Variants in SEPTIN11 observed in about 807,000 individuals in gnomAD.
SEPTIN11 encodes the protein septin 11, also known as septin-11.
In SEPTIN11, 25 loss-of-function variants were observed where a neutral mutation model predicts 51.4. The ratio of observed to expected loss-of-function variants is 0.49; its 90% CI spans 0.35 to 0.68. SEPTIN11 has a LOEUF of 0.68. SEPTIN11 is among the 30% of genes least tolerant of loss of function. The pLI, the probability that SEPTIN11 is intolerant of heterozygous loss-of-function variation, is 0.00. For synonymous variants in SEPTIN11, 174 were observed against 184.1 expected (o/e 0.95, Z 0.44); for missense variants, 381 against 520.8 (o/e 0.73, Z 2.61).
At chr4:76,953,228 G>A (rs1006310087) in intron 1 of SEPTIN11, among the ~76,000 whole-genome samples, 1 of 152,174 alleles carries the variant, frequency 6.6e-6, no homozygotes, top group African/African-American at 2.4e-5. Context: ...TATGTGTCAG[G>A]AACTTGTTCT....
In SEPTIN11 at chr4:77,028,674, A is replaced by T; in HGVS notation, c.999A>T (p.Glu333Asp). Residue 333 changes from glutamate to aspartate, a missense_variant, in exon 8 of 10, where the codon GAA (glutamate) becomes GAT (aspartate). Around this residue, in one of 2 missense-constraint regions of SEPTIN11, gnomAD observed 197 missense variants for 313.1 expected, o/e 0.63. Transcript: ENST00000264893. Reference sequence around the variant, plus strand: ...CAAAAAGGAATGAATTCCTGGGAGAACTGCAGAAGAAAGAAGAAGAAATGA... The same window carrying T: ...CAAAAAGGAATGAATTCCTGGGAGATCTGCAGAAGAAAGAAGAAGAAATGA... Reference protein sequence around the residue: ...YEAKRNEFLGELQKKEEEMRQ... With the variant: ...YEAKRNEFLGDLQKKEEEMRQ... The T allele has an allele frequency of 6.2e-7, 1 of 1,613,236 alleles. No homozygotes were observed. The highest frequency in any genetic ancestry group is 8.5e-7 in the Non-Finnish European group (1 of 1,179,540).
intron 1 of SEPTIN11, among the ~76,000 whole-genome samples, chr4:76,961,787 T>A (rs1397983460): frequency 3.3e-5 from 5 of 152,230 alleles, no homozygotes; most frequent in African/African-American, 1.2e-4. Flanking sequence ...AAAGTCAAAA[T>A]CGTAAGTTGA....
chr4:76,995,512 T>A (rs1430110682), intron 1 of SEPTIN11, among the ~76,000 whole-genome samples: 4 of 151,968 alleles, frequency 2.6e-5, no homozygotes, highest in African/African-American at 9.6e-5. Context: ...ACACTAGGAG[T>A]CCTGTCTCCA....
chr4:76,963,537 G>A (rs2109890191), intron 1 of SEPTIN11, among the ~76,000 whole-genome samples: 1 of 152,362 alleles, frequency 6.6e-6, no homozygotes, highest in Non-Finnish European at 1.5e-5. Flanking sequence ...GAACACTGTT[G>A]TCAGTTTGGA....
chr4:76,976,043 T>G (rs1437204614), intron 1 of SEPTIN11, among the ~76,000 whole-genome samples: 1 of 152,194 alleles, frequency 6.6e-6, no homozygotes, highest in Admixed American at 6.5e-5. Context: ...AAAGCTTTTG[T>G]TAATGTGTTG....
chr4:77,028,812 C>A, intron 8 of SEPTIN11, 51 bp downstream of exon 8: 1 of 1,566,384 alleles, frequency 6.4e-7, no homozygotes, highest in Non-Finnish European at 8.6e-7. Context: ...GAGAGATTTT[C>A]TAAATACATC....
chr4:76,954,984 T>TTTA (rs1491383434), intron 1 of SEPTIN11, among the ~76,000 whole-genome samples: 5 of 3,266 alleles, frequency 1.5e-3, no homozygotes, highest in African/African-American at 0.012. Context: ...TATTTATTTA[T>TTTA]TTTTTTTTGC....
chr4:76,977,400 TGTAATTAAAATGC>T, intron 1 of SEPTIN11, among the ~76,000 whole-genome samples: 1 of 152,214 alleles, frequency 6.6e-6, no homozygotes. Flanking sequence ...GGAATGTGAG[TGTAATTAAAATGC>T]CTTCAGAAAT....
At chr4:76,963,694 C>T (rs1721912820) in intron 1 of SEPTIN11, among the ~76,000 whole-genome samples, 1 of 152,206 alleles carries the variant, frequency 6.6e-6, no homozygotes, top group Admixed American at 6.5e-5. Context: ...TACACTTAAA[C>T]AGCCACATGT....
chr4:77,020,275 T>G (rs1307296852), intron 6 of SEPTIN11, among the ~76,000 whole-genome samples: 1 of 152,220 alleles, frequency 6.6e-6, no homozygotes, highest in Non-Finnish European at 1.5e-5. Flanking sequence ...TGCTCTGTGC[T>G]GAGTAGGCAC....
chr4:76,977,874 T>C (rs1233943766), intron 1 of SEPTIN11, among the ~76,000 whole-genome samples: 1 of 152,166 alleles, frequency 6.6e-6, no homozygotes, highest in Non-Finnish European at 1.5e-5. Context: ...TACAAGCATA[T>C]GTGTGTTTGC....
chr4:77,036,507 T>C lies in SEPTIN11; in HGVS notation c.*1995T>C. ...TTGCATCACTAAAATTTTTTTAAAA[T>C]GAGCATAACAACGAAAGGCATCCAG... On this transcript the variant is annotated 3_prime_UTR_variant, in exon 10 of 10. Transcript: ENST00000264893. 1.5e-6 allele frequency: 2 copies of C among 1,340,078 alleles called. No individual in the cohort carries two copies. The highest frequency in any genetic ancestry group is 1.9e-6 in the Non-Finnish European group (2 of 1,047,256). 83.0% of individuals were successfully genotyped at this position (1,340,078 alleles called of 1,614,324 possible). A position where few individuals can be genotyped will look rare whatever the true frequency, so the allele number is the denominator to read the frequency against.
intron 1 of SEPTIN11, among the ~76,000 whole-genome samples, chr4:76,979,157 G>C (rs965318864): frequency 2.6e-5 from 4 of 152,232 alleles, no homozygotes; most frequent in Non-Finnish European, 5.9e-5. Flanking sequence ...ATAAGACAGG[G>C]TTCCTGTCCT....
chr4:76,969,326 T>C (rs763310811), intron 1 of SEPTIN11, among the ~76,000 whole-genome samples: 1 of 152,188 alleles, frequency 6.6e-6, no homozygotes, highest in Non-Finnish European at 1.5e-5. Flanking sequence ...AGACCAGTAT[T>C]GAACTTTAGA....
intron 7 of SEPTIN11, 103 bp downstream of exon 7, chr4:77,020,773 G>A: frequency 9.3e-7 from 1 of 1,073,758 alleles, no homozygotes; most frequent in East Asian, 2.6e-5. Flanking sequence ...GATGATGGAA[G>A]GATCTGGTGG....
Position 77,030,985 on chromosome 4 carries a change from C to A in SEPTIN11, c.1274+15C>A. ...GATAAGAAAAAGTAAGCAGGTGTCA[C>A]CCCCCTGTATCGGGGACCTCTAACA... On this transcript the variant is annotated intron_variant, in intron 9 of 9. Transcript: ENST00000264893. 2 of 1,591,826 alleles carry A rather than the reference C, an allele frequency of 1.3e-6. No homozygotes were observed. Among genetic ancestry groups the A allele is most frequent in the Non-Finnish European group, 1.7e-6 (2 of 1,174,270 alleles).
In SEPTIN11 at chr4:77,015,027, C is replaced by T; in HGVS notation, c.687+10C>T. 6.2e-7 allele frequency: 1 copy of T among 1,610,768 alleles called. No individual in the cohort carries two copies. The highest frequency in any genetic ancestry group is 8.5e-7 in the Non-Finnish European group (1 of 1,178,396). The stretch of plus-strand genomic sequence containing the variant: ...TAACGCAACAATGAGTGTAAGTCCT[C>T]AAGTCAAATGGGAACAAGTGATTTT... On this transcript the variant is annotated intron_variant, in intron 5 of 9. Coordinates refer to ENST00000264893, the MANE Select transcript of SEPTIN11 (RefSeq NM_018243.4).
chr4:76,977,899 T>C (rs1332537038), intron 1 of SEPTIN11, among the ~76,000 whole-genome samples: 1 of 152,226 alleles, frequency 6.6e-6, no homozygotes, highest in East Asian at 1.9e-4. Context: ...CAGTAGTCTA[T>C]AAGAAGCTAA....
intron 1 of SEPTIN11, among the ~76,000 whole-genome samples, chr4:76,982,362 C>G (rs1722813995): frequency 6.6e-6 from 1 of 152,074 alleles, no homozygotes; most frequent in Non-Finnish European, 1.5e-5. Flanking sequence ...AGGCGGGTGC[C>G]ACCATGCCTG....
Sources: allele counts gnomAD v4.1 joint callset (sites outside exome capture counted in the v4.1 genomes callset), GRCh38; gene constraint gnomAD v4.1.1; regional missense constraint gnomAD v4.1.1; transcripts MANE v1.5; gene names NCBI Gene and HGNC (gene_info 2026-07-23, HGNC 2026-07-21).